The following SECISBP2L variants were observed in gnomAD, a reference collection of about 807,000 sequenced individuals.
SECISBP2L encodes the protein SECIS binding protein 2 like.
A neutral mutation model predicts 114.7 loss-of-function variants in SECISBP2L; 43 were observed. The ratio of observed to expected loss-of-function variants is 0.38; its 90% CI spans 0.29 to 0.48. SECISBP2L has a LOEUF of 0.48. Among genes scored for constraint, SECISBP2L ranks in the 20% least tolerant of loss-of-function variants. SECISBP2L has a pLI of 0.98. For missense variants in SECISBP2L, 1,136 were observed against 1,301.1 expected, an observed-to-expected ratio of 0.87 and a Z score of 1.95; for synonymous variants, 451 against 439.7, an observed-to-expected ratio of 1.03 and a Z score of -0.32.
At chr15:48,999,557 T>C (rs949313135) in intron 16 of SECISBP2L, among the ~76,000 whole-genome samples, 1 of 152,100 alleles carries the variant, frequency 6.6e-6, no homozygotes, top group Non-Finnish European at 1.5e-5. Context: ...GTAAAATAAA[T>C]TACCAAGTAC....
At chr15:49,046,211 C>A in intron 1 of SECISBP2L, 65 bp downstream of exon 1, 1 of 1,545,152 alleles carries the variant, frequency 6.5e-7, no homozygotes, top group Admixed American at 1.9e-5. Flanking sequence ...GAGAACTGGG[C>A]CTGGCCTGTG....
At chr15:49,018,156 T>C (rs192536444) in intron 8 of SECISBP2L, among the ~76,000 whole-genome samples, 42 of 152,298 alleles carry the variant, frequency 2.8e-4, no homozygotes, top group Admixed American at 1.7e-3. Context: ...TGTACTACAA[T>C]TGCCAGACCT....
Position 48,992,116 on chromosome 15 carries a change from CA to C in SECISBP2L, c.*127del, listed in dbSNP as rs144382710. On this transcript the variant is annotated 3_prime_UTR_variant, in exon 18 of 18. Transcript: ENST00000559471. ...TACAGATCATAACAAGTAAAAGCTA[CA>C]AAAATATTTGTTGGGAATTAAATAC... The C allele has an allele frequency of 8.0e-6, 7 of 873,750 alleles. No individual in the cohort carries two copies. The South Asian group carries it at 1.5e-4, about 19-fold the overall frequency. The allele number at this position is 873,750 out of a possible 1,614,324, so 54.1% of individuals were successfully genotyped here.
intron 7 of SECISBP2L, among the ~76,000 whole-genome samples, chr15:49,026,205 T>C (rs762258219): frequency 1.3e-5 from 2 of 152,148 alleles, no homozygotes; most frequent in Non-Finnish European, 2.9e-5. Flanking sequence ...AGAATAATGG[T>C]TACCAGAGGC....
At chr15:49,030,047 CAAA>C (rs11329699) in intron 4 of SECISBP2L, among the ~76,000 whole-genome samples, 1 of 142,422 alleles carries the variant, frequency 7.0e-6, no homozygotes, top group Non-Finnish European at 1.5e-5. Context: ...CAAGACAGTC[CAAA>C]AAAAAAAAAC....
intron 1 of SECISBP2L, among the ~76,000 whole-genome samples, chr15:49,041,088 T>C (rs531219001): frequency 4.6e-5 from 7 of 152,190 alleles, no homozygotes; most frequent in East Asian, 1.9e-4. Flanking sequence ...AGAACTTTCA[T>C]AGCAGAGAGT....
intron 7 of SECISBP2L, among the ~76,000 whole-genome samples, chr15:49,021,375 C>T (rs890091520): frequency 6.6e-6 from 1 of 151,904 alleles, no homozygotes; most frequent in African/African-American, 2.4e-5. Flanking sequence ...GTCATATGGG[C>T]AAGAAAAAAA....
intron 14 of SECISBP2L, among the ~76,000 whole-genome samples, chr15:49,008,810 A>G (rs1902375712): frequency 1.3e-5 from 2 of 152,238 alleles, no homozygotes; most frequent in African/African-American, 4.8e-5. Flanking sequence ...GCTTTATGTA[A>G]TAGGTTCACT....
chr15:49,040,680 C>T (rs905893155), intron 1 of SECISBP2L, among the ~76,000 whole-genome samples: 1 of 150,918 alleles, frequency 6.6e-6, no homozygotes, highest in South Asian at 2.1e-4. Flanking sequence ...GGACTACAGG[C>T]GCCCACCATC....
At chr15:49,026,071 C>T (rs945907135) in intron 7 of SECISBP2L, among the ~76,000 whole-genome samples, 5 of 152,138 alleles carry the variant, frequency 3.3e-5, no homozygotes, top group African/African-American at 1.2e-4. Context: ...CTGTCATTCA[C>T]AGCAACATGG....
At chr15:49,019,180 T>G (rs557929561) in intron 8 of SECISBP2L, among the ~76,000 whole-genome samples, 2 of 152,250 alleles carry the variant, frequency 1.3e-5, no homozygotes, top group East Asian at 3.9e-4. Flanking sequence ...CATTACCCCC[T>G]AAATGATGAA....
chr15:49,021,415 T>G (rs1301657147), intron 7 of SECISBP2L, among the ~76,000 whole-genome samples: 1 of 152,232 alleles, frequency 6.6e-6, no homozygotes, highest in Non-Finnish European at 1.5e-5. Context: ...TCTTAAGACA[T>G]TTCAAGTTAC....
intron 13 of SECISBP2L, 134 bp from the exon 14 acceptor site, chr15:49,009,512 G>C (rs1902394248): frequency 9.3e-6 from 7 of 756,650 alleles, no homozygotes; most frequent in Middle Eastern, 3.6e-4. Context: ...AATAAGGTGG[G>C]CATTTTTCAT....
intron 13 of SECISBP2L, among the ~76,000 whole-genome samples, chr15:49,009,653 C>T (rs536979585): frequency 2.0e-4 from 31 of 151,900 alleles, no homozygotes; most frequent in African/African-American, 7.2e-4. Context: ...GCGAGAAAAT[C>T]GCTTGAATCT....
chr15:49,028,993 G>A (rs900686489), intron 4 of SECISBP2L, among the ~76,000 whole-genome samples: 18 of 151,902 alleles, frequency 1.2e-4, no homozygotes, highest in Admixed American at 1.2e-3. Context: ...CAAGTAGCCG[G>A]GACTACAGGC....
At chr15:49,013,360 G>A (rs1297950998) in intron 11 of SECISBP2L, among the ~76,000 whole-genome samples, 1 of 152,066 alleles carries the variant, frequency 6.6e-6, no homozygotes, top group African/African-American at 2.4e-5. Flanking sequence ...GCAGTGGCAC[G>A]ATCTCGGCTC....
intron 13 of SECISBP2L, among the ~76,000 whole-genome samples, chr15:49,009,889 T>G (rs1314047916): frequency 6.6e-6 from 1 of 151,982 alleles, no homozygotes; most frequent in Non-Finnish European, 1.5e-5. Flanking sequence ...CCCAGCACTT[T>G]GGGAGGCCAA....
rs1381894090 is a variant in SECISBP2L at position 48,993,068 on chromosome 15, G to A, written c.2624-142C>T. 4 of 668,326 alleles carry A rather than the reference G, an allele frequency of 6.0e-6. No individual in the cohort carries two copies. In the African/African-American group the frequency reaches 7.5e-5, roughly 12 times the overall value. The allele number at this position is 668,326 out of a possible 1,614,324, so 41.4% of individuals were successfully genotyped here. ...ACTGACTGGAAAAACTACAAATTTA[G>A]TTTATTTAGTACTAGTTTGAGACAG... On this transcript the variant is annotated intron_variant, in intron 17 of 17. Transcript: ENST00000559471.
Position 49,000,891 on chromosome 15 carries a change from T to G in SECISBP2L, c.2234A>C (p.Lys745Thr), listed in dbSNP as rs767376063. 6.2e-7 allele frequency: 1 copy of G among 1,613,024 alleles called. No homozygotes were observed. The highest frequency in any genetic ancestry group is 8.5e-7 in the Non-Finnish European group (1 of 1,179,636). Residue 745 changes from lysine to threonine, a missense_variant, in exon 15 of 18, where the codon AAA (lysine) becomes ACA (threonine). Physicochemically the swap from Lys to Thr is moderately conservative, Grantham distance 78 (BLOSUM62 -1). This residue lies in a region of SECISBP2L where 684 missense variants were observed against 848.7 expected (regional missense o/e 0.81). Coordinates refer to ENST00000559471, the MANE Select transcript of SECISBP2L (RefSeq NM_001193489.2). ...AAAGCGCATACCTTTTGACTGGATT[T>G]TTTCACAGTTTGGAGAAATTATAAC... ...KCVIISPNCE[K>T]IQSKGGLDEA... is the part of the protein sequence containing the mutation.
Sources: allele counts gnomAD v4.1 joint callset (sites outside exome capture counted in the v4.1 genomes callset), GRCh38; gene constraint gnomAD v4.1.1; regional missense constraint gnomAD v4.1.1; transcripts MANE v1.5; gene names NCBI Gene and HGNC (gene_info 2026-07-23, HGNC 2026-07-21).